Variants in HS3ST2 observed in about 807,000 individuals in gnomAD.
HS3ST2 encodes heparan sulfate glucosamine 3-O-sulfotransferase 2.
A neutral mutation model predicts 26.3 loss-of-function variants in HS3ST2; 17 were observed. The observed-to-expected ratio is 0.65, with a 90% CI of 0.44 to 0.97. The LOEUF is 0.97. Ranked by LOEUF, HS3ST2 falls within the 50% of genes least tolerant of loss-of-function variation. The pLI is 0.00. For missense variants in HS3ST2, 402 were observed against 501.2 expected, an observed-to-expected ratio of 0.80 and a Z score of 1.89; for synonymous variants, 237 against 219.2, an observed-to-expected ratio of 1.08 and a Z score of -0.72.
chr16:22,868,646 T>C (rs1901790019), intron 1 of HS3ST2, among the ~76,000 whole-genome samples: 2 of 152,142 alleles, frequency 1.3e-5, no homozygotes, highest in Non-Finnish European at 2.9e-5. Flanking sequence ...GTTGTTAATT[T>C]AAAGATAAAT....
rs866253477 is a variant in HS3ST2, at chr16:22,915,117, C to T, written c.659C>T (p.Ser220Phe). 1 of 1,614,108 alleles carries T rather than the reference C, an allele frequency of 6.2e-7. No individual in the cohort carries two copies. The highest frequency in any genetic ancestry group is 1.3e-5 in the African/African-American group (1 of 75,024). The change falls in exon 2 of 2, where the codon TCC (serine) becomes TTC (phenylalanine). Residue 220 changes from serine (S) to phenylalanine (F), a missense_variant. Around this residue, in one of 2 missense-constraint regions of HS3ST2, gnomAD observed 237 missense variants for 346.6 expected, o/e 0.68. Coordinates refer to ENST00000261374, the MANE Select transcript of HS3ST2 (RefSeq NM_006043.2). ...ATCTCTGATTACACGCAGACACTCT[C>T]CAAGAAGCCCGACATCCCGACCTTT... is the stretch of plus-strand genomic sequence containing the variant. ...RAISDYTQTLSKKPDIPTFEG... is the reference protein window; with the variant it reads ...RAISDYTQTLFKKPDIPTFEG...
chr16:22,892,646 A>T (rs1369927731), intron 1 of HS3ST2, among the ~76,000 whole-genome samples: 1 of 152,214 alleles, frequency 6.6e-6, no homozygotes, highest in African/African-American at 2.4e-5. Context: ...AAGCATCCTT[A>T]TCCATCTTTT....
At chr16:22,894,308 C>T (rs1902175264) in intron 1 of HS3ST2, among the ~76,000 whole-genome samples, 1 of 152,134 alleles carries the variant, frequency 6.6e-6, no homozygotes, top group Non-Finnish European at 1.5e-5. Context: ...CTCCCTGGTT[C>T]AATATTTCCA....
chr16:22,896,872 T>A (rs1357280435), intron 1 of HS3ST2, among the ~76,000 whole-genome samples: 1 of 152,200 alleles, frequency 6.6e-6, no homozygotes, highest in Non-Finnish European at 1.5e-5. Flanking sequence ...AACGGCGCAA[T>A]CTCAGCTCAC....
chr16:22,884,010 C>T (rs1356157496), intron 1 of HS3ST2, among the ~76,000 whole-genome samples: 2 of 152,164 alleles, frequency 1.3e-5, no homozygotes, highest in East Asian at 3.9e-4. Context: ...TCCTGCCCCA[C>T]TGAGGATAAA....
intron 1 of HS3ST2, among the ~76,000 whole-genome samples, chr16:22,897,236 A>T (rs932872865): frequency 6.6e-6 from 1 of 151,686 alleles, no homozygotes; most frequent in Non-Finnish European, 1.5e-5. Context: ...AGTTGTAATT[A>T]TTTTTTTTTA....
chr16:22,857,831 G>C (rs982818072), intron 1 of HS3ST2, among the ~76,000 whole-genome samples: 1 of 152,064 alleles, frequency 6.6e-6, no homozygotes, highest in Admixed American at 6.6e-5. Flanking sequence ...TTATGATCGC[G>C]CAAACACAGG....
At chr16:22,823,518 G>A (rs1901032548) in intron 1 of HS3ST2, among the ~76,000 whole-genome samples, 1 of 151,948 alleles carries the variant, frequency 6.6e-6, no homozygotes, top group South Asian at 2.1e-4. Flanking sequence ...GATGGGCTGG[G>A]TGCGGTGGTA....
At chr16:22,836,107 C>G (rs533012963) in intron 1 of HS3ST2, among the ~76,000 whole-genome samples, 1 of 151,550 alleles carries the variant, frequency 6.6e-6, no homozygotes, top group South Asian at 2.1e-4. Flanking sequence ...GAGGATATAA[C>G]CATAATCTGT....
chr16:22,816,469 G>T (rs1447029034), intron 1 of HS3ST2, among the ~76,000 whole-genome samples: 4 of 152,230 alleles, frequency 2.6e-5, no homozygotes. Flanking sequence ...GGCTCGCAAT[G>T]GTTGTAGTTG....
At chr16:22,816,841 T>C (rs1425854392) in intron 1 of HS3ST2, among the ~76,000 whole-genome samples, 3 of 152,206 alleles carry the variant, frequency 2.0e-5, no homozygotes, top group Admixed American at 1.3e-4. Context: ...ATGACACCTT[T>C]TGCCAATGCG....
At chr16:22,911,448 T>C (rs900513128) in intron 1 of HS3ST2, among the ~76,000 whole-genome samples, 1 of 152,220 alleles carries the variant, frequency 6.6e-6, no homozygotes, top group Admixed American at 6.5e-5. Flanking sequence ...GTGGCTACCA[T>C]AACAAATTAC....
chr16:22,899,862 T>C (rs939582895), intron 1 of HS3ST2, among the ~76,000 whole-genome samples: 22 of 152,304 alleles, frequency 1.4e-4, no homozygotes, highest in African/African-American at 5.3e-4. Flanking sequence ...GTCCCTCCCA[T>C]GACACATAGG....
chr16:22,896,803 C>CT (rs1364517251), intron 1 of HS3ST2, among the ~76,000 whole-genome samples: 2 of 151,968 alleles, frequency 1.3e-5, no homozygotes, highest in South Asian at 2.1e-4. Flanking sequence ...TCTCTTCTTT[C>CT]TTTTTTTCTT....
intron 1 of HS3ST2, among the ~76,000 whole-genome samples, chr16:22,837,050 A>G (rs1901266938): frequency 1.3e-5 from 2 of 151,608 alleles, no homozygotes; most frequent in Admixed American, 1.3e-4. Flanking sequence ...GATGTCAGCT[A>G]GGTTCATTTT....
rs1902484893 is a variant in HS3ST2, at chr16:22,915,589, G to T, written c.*27G>T. The stretch of plus-strand genomic sequence containing the variant: ...CCCACGAAAGGAAAGGGCTCTCAAG[G>T]GCTCTTCTGCTCATCTCTTCCGTGA... On this transcript the variant is annotated 3_prime_UTR_variant, in exon 2 of 2. Transcript: ENST00000261374. 6.3e-7 allele frequency: 1 copy of T among 1,595,196 alleles called. No homozygotes were observed. Among genetic ancestry groups the T allele is most frequent in the Non-Finnish European group, 8.5e-7 (1 of 1,171,032 alleles).
intron 1 of HS3ST2, among the ~76,000 whole-genome samples, chr16:22,896,669 G>A (rs1902215026): frequency 6.6e-6 from 1 of 152,180 alleles, no homozygotes; most frequent in South Asian, 2.1e-4. Context: ...CAGCGTAGTT[G>A]TGTTTCTTTT....
chr16:22,897,064 C>T (rs1902221098), intron 1 of HS3ST2, among the ~76,000 whole-genome samples: 1 of 152,222 alleles, frequency 6.6e-6, no homozygotes, highest in Non-Finnish European at 1.5e-5. Flanking sequence ...TCACCTAGCC[C>T]TCCCAAAGTT....
At chr16:22,860,465 C>T (rs1431686587) in intron 1 of HS3ST2, among the ~76,000 whole-genome samples, 6 of 152,054 alleles carry the variant, frequency 3.9e-5, no homozygotes, top group Admixed American at 1.3e-4. Flanking sequence ...AGCATATCAC[C>T]CCGCATACAC....
Sources: gnomAD v4.1 joint callset for allele counts (sites outside exome capture counted in the v4.1 genomes callset) on GRCh38, gnomAD v4.1.1 for gene constraint, gnomAD v4.1.1 regional missense constraint, MANE v1.5 for transcripts, NCBI Gene and HGNC (gene_info 2026-07-23, HGNC 2026-07-21) for gene names.